The following USP13 variants were observed in gnomAD, a reference collection of about 807,000 sequenced individuals.
USP13 encodes ubiquitin carboxyl-terminal hydrolase 13.
A neutral mutation model predicts 107.8 loss-of-function variants in USP13; 68 were observed. The observed-to-expected ratio is 0.63, with a 90% CI of 0.52 to 0.77. The LOEUF is 0.77. USP13 is among the 30% of genes least tolerant of loss of function. The probability of loss-of-function intolerance (pLI) is 0.00; values close to 1 mark genes in which losing one functional copy is unlikely to be tolerated. For synonymous variants in USP13, 377 were observed against 389.5 expected (o/e 0.97, Z 0.38); for missense variants, 945 against 1,093.3 (o/e 0.86, Z 1.91).
intron 12 of USP13, 99 bp from the exon 13 acceptor site, chr3:179,744,944 C>T (rs1336276669): frequency 1.4e-6 from 2 of 1,450,184 alleles, no homozygotes; most frequent in Admixed American, 4.1e-5. Flanking sequence ...AACTCTGGCC[C>T]AGCGCAGAAG....
At chr3:179,701,963 C>T (rs1456821404) in intron 4 of USP13, among the ~76,000 whole-genome samples, 1 of 152,088 alleles carries the variant, frequency 6.6e-6, no homozygotes, top group Non-Finnish European at 1.5e-5. Context: ...TCTTGTATTG[C>T]CTGTACCACT....
intron 19 of USP13, among the ~76,000 whole-genome samples, chr3:179,777,268 C>A (rs1715577059): frequency 6.6e-6 from 1 of 151,834 alleles, no homozygotes; most frequent in Non-Finnish European, 1.5e-5. Flanking sequence ...TTCTCTGTGT[C>A]TGTTTTGTCA....
chr3:179,723,923 C>T (rs1713419883), intron 8 of USP13, among the ~76,000 whole-genome samples: 1 of 151,256 alleles, frequency 6.6e-6, no homozygotes, highest in African/African-American at 2.4e-5. Flanking sequence ...GAGGCTGAGG[C>T]AGGAGGATTA....
At chr3:179,657,820 CAA>C (rs1446959463) in intron 1 of USP13, among the ~76,000 whole-genome samples, 1 of 150,362 alleles carries the variant, frequency 6.7e-6, no homozygotes, top group Admixed American at 6.6e-5. Context: ...GTTGTAAGCC[CAA>C]GAGTCTGGTT....
intron 13 of USP13, 83 bp from the exon 14 acceptor site, chr3:179,752,197 TGCCTC>T: frequency 8.6e-7 from 1 of 1,157,528 alleles, no homozygotes; most frequent in South Asian, 1.4e-5. Context: ...TGGCCAGGTG[TGCCTC>T]AGACAAAGTT....
At chr3:179,688,095 ATCCG>A (rs1259779017) in intron 2 of USP13, among the ~76,000 whole-genome samples, 6 of 138,968 alleles carry the variant, frequency 4.3e-5, no homozygotes, top group Admixed American at 1.4e-4. Flanking sequence ...CCATCCATCC[ATCCG>A]TCCATCCATC....
intron 1 of USP13, among the ~76,000 whole-genome samples, chr3:179,667,519 G>C (rs559430160): frequency 6.6e-6 from 1 of 152,154 alleles, no homozygotes; most frequent in Non-Finnish European, 1.5e-5. Context: ...GAGTGTGTTC[G>C]TATGCCGATG....
chr3:179,653,320 T>G lies in USP13; in HGVS notation c.95T>G (p.Met32Arg), dbSNP rs147844491. Residue 32 changes from methionine (M) to arginine (R), a missense_variant, in exon 1 of 21, where the codon ATG becomes AGG. By Grantham distance (91) the Met-to-Arg change is moderately conservative. Coordinates refer to ENST00000263966, the MANE Select transcript of USP13 (RefSeq NM_003940.3). The surrounding 1 kb of genome is among the most constrained non-coding windows in gnomAD (Gnocchi z 4.0). ...ATCGGCGAGCTGCTAGTGCCCCACA[T>G]GCCCACGATCCGCGTGCCCAGGTCC... ...GDIGELLVPHMPTIRVPRSGD... is the reference protein window; with the variant it reads ...GDIGELLVPHRPTIRVPRSGD... 2.1e-4 allele frequency: 335 copies of G among 1,578,778 alleles called. No homozygotes were observed. The highest frequency in any genetic ancestry group is 2.7e-4 in the Non-Finnish European group (311 of 1,162,910).
chr3:179,682,789 T>G (rs753118672), intron 2 of USP13, among the ~76,000 whole-genome samples: 1 of 152,218 alleles, frequency 6.6e-6, no homozygotes, highest in Non-Finnish European at 1.5e-5. Flanking sequence ...TTTATACACT[T>G]CACCTGGGGG....
At chr3:179,726,683 T>A (rs79867495) in intron 8 of USP13, among the ~76,000 whole-genome samples, 1 of 6,764 alleles carries the variant, frequency 1.5e-4, no homozygotes, top group Non-Finnish European at 2.6e-4. Context: ...CCTGGTAGGC[T>A]TTTTTTTTTT....
intron 5 of USP13, among the ~76,000 whole-genome samples, 166 bp downstream of exon 5, chr3:179,707,242 A>G (rs1243665314): frequency 6.6e-6 from 1 of 152,216 alleles, no homozygotes; most frequent in Non-Finnish European, 1.5e-5. Context: ...TTTGTAGTAG[A>G]TGCTGAATGT....
chr3:179,731,131 T>C (rs932896763), intron 10 of USP13, among the ~76,000 whole-genome samples: 10 of 152,260 alleles, frequency 6.6e-5, no homozygotes, highest in African/African-American at 2.4e-4. Flanking sequence ...ACACACAGGG[T>C]CAGGCATGGT....
rs1258959190 is a variant in USP13, at chr3:179,721,871, A to G, written c.1088+282A>G. Among the ~76,000 whole-genome samples the G allele has an allele frequency of 2.6e-5, 4 of 152,150 alleles. No homozygotes were observed. The highest frequency in any genetic ancestry group is 5.9e-5 in the Non-Finnish European group (4 of 67,996). ...CAGATCACGAGGTCAGGAGTTCAAGACCAGCCTGACCAACATGACGAAACC... is the reference window on the plus strand; with the variant it reads ...CAGATCACGAGGTCAGGAGTTCAAGGCCAGCCTGACCAACATGACGAAACC... On this transcript the variant is annotated intron_variant, in intron 8 of 20. Transcript: ENST00000263966. This position sits in a 1 kb window ranked among gnomAD's most constrained non-coding sequence, Gnocchi z 4.3.
chr3:179,653,393 C>T lies in USP13; in HGVS notation c.168C>T (p.Pro56=), dbSNP rs570604627. ...KNECAFSYDS[P]NSEGGLYVCM... is the part of the protein sequence containing the mutation. ...AGTGCGCCTTCTCCTACGACTCTCC[C>T]GTAAGTGAGGCGCCTCGGGGGAGGG... is the stretch of plus-strand genomic sequence containing the variant. The change falls in exon 1 of 21, where the codon CCC becomes CCT. Residue 56 remains proline (P), a splice_region_variant and synonymous_variant. Coordinates refer to ENST00000263966, the MANE Select transcript of USP13 (RefSeq NM_003940.3). This position sits in a 1 kb window ranked among gnomAD's most constrained non-coding sequence, Gnocchi z 4.0. 3.2e-6 allele frequency: 5 copies of T among 1,556,452 alleles called. No individual in the cohort carries two copies. The highest frequency in any genetic ancestry group is 3.9e-5 in the Admixed American group (2 of 51,644).
In USP13 at chr3:179,765,795, A is replaced by G. The variant is rs1410415540; in HGVS notation, c.2360A>G (p.Asn787Ser). The change falls in exon 19 of 21, where the codon AAC (asparagine) becomes AGC (serine). Residue 787 changes from asparagine (N) to serine (S), a missense_variant. By Grantham distance (46) the Asn-to-Ser change is conservative. Transcript: ENST00000263966. ...VIEMENNANA[N>S]IISEAKPEGP... ...GAGATGGAGAATAATGCCAATGCAA[A>G]CATTATTTCTGAGGCCAAGCCCGAA... 1 of 1,614,072 alleles carries G rather than the reference A, an allele frequency of 6.2e-7. No individual in the cohort carries two copies. Among genetic ancestry groups the G allele is most frequent in the Non-Finnish European group, 8.5e-7 (1 of 1,180,050 alleles).
chr3:179,699,719 A>G (rs1712444915), intron 3 of USP13, among the ~76,000 whole-genome samples: 1 of 138,082 alleles, frequency 7.2e-6, no homozygotes. Context: ...AAAAAAGCTT[A>G]GATTGCATTT....
intron 8 of USP13, among the ~76,000 whole-genome samples, chr3:179,725,125 T>C (rs1713466634): frequency 1.3e-5 from 2 of 152,154 alleles, no homozygotes; most frequent in Non-Finnish European, 2.9e-5. Flanking sequence ...GGCAGGAGAA[T>C]TGCTTGAAGT....
intron 8 of USP13, among the ~76,000 whole-genome samples, chr3:179,726,265 C>T (rs1713513086): frequency 6.6e-6 from 1 of 151,960 alleles, no homozygotes; most frequent in Non-Finnish European, 1.5e-5. Context: ...TCTGTCATGC[C>T]CTGGGGCAGC....
At chr3:179,690,340 G>A (rs1346533196) in intron 3 of USP13, 39 bp downstream of exon 3, 3 of 1,561,106 alleles carry the variant, frequency 1.9e-6, no homozygotes, top group Non-Finnish European at 1.8e-6. Context: ...TTTTGTGTTT[G>A]TGTGTGTGTA....
Sources: allele counts gnomAD v4.1 joint callset (sites outside exome capture counted in the v4.1 genomes callset), GRCh38; gene constraint gnomAD v4.1.1; non-coding constraint Gnocchi (gnomAD v3.1); transcripts MANE v1.5; gene names NCBI Gene and HGNC (gene_info 2026-07-23, HGNC 2026-07-21).